SPAG9: variants seen among roughly 807,000 people sequenced by gnomAD.
The protein encoded by SPAG9 is C-Jun-amino-terminal kinase-interacting protein 4.
Under a neutral mutation model 166.5 loss-of-function variants are expected in SPAG9, and 35 were observed. The ratio of observed to expected loss-of-function variants is 0.21; its 90% CI spans 0.16 to 0.28. The LOEUF (loss-of-function observed/expected upper bound fraction) is 0.28, where lower values mean the gene tolerates loss of function less well. Ranked by LOEUF, SPAG9 falls within the 10% of genes least tolerant of loss-of-function variation. SPAG9 has a pLI of 1.00. For synonymous variants in SPAG9, 534 were observed against 565.5 expected (o/e 0.94, Z 0.79); for missense variants, 1,235 against 1,603.3 (o/e 0.77, Z 3.92).
In SPAG9 at chr17:50,998,611, G is replaced by A; in HGVS notation, c.1671C>T (p.Ser557=). Residue 557 remains serine, a synonymous_variant, in exon 15 of 30, where the codon AGC becomes AGT. Coordinates refer to ENST00000262013, the MANE Select transcript of SPAG9 (RefSeq NM_001130528.3). ...KKRSSIWQFF[S]RLFSSSSNTT... is the part of the protein sequence containing the mutation. ...TGTTACTTGAGGAGCTGAAAAGTCG[G>A]CTGAAACTAAAAGAAGACAGTATGT... 1.2e-6 allele frequency: 2 copies of A among 1,613,922 alleles called. No homozygotes were observed. Among genetic ancestry groups the A allele is most frequent in the Non-Finnish European group, 1.7e-6 (2 of 1,179,900 alleles).
intron 9 of SPAG9, among the ~76,000 whole-genome samples, chr17:51,010,966 G>C (rs1358570244): frequency 6.6e-6 from 1 of 152,118 alleles, no homozygotes; most frequent in Non-Finnish European, 1.5e-5. Context: ...CCTAGGACAG[G>C]AGCGCTGATA....
At chr17:51,020,604 T>C (rs1356779176) in intron 7 of SPAG9, among the ~76,000 whole-genome samples, 1 of 152,204 alleles carries the variant, frequency 6.6e-6, no homozygotes, top group South Asian at 2.1e-4. Flanking sequence ...TGTCCTCCCG[T>C]CTTTTGGGTT....
intron 2 of SPAG9, among the ~76,000 whole-genome samples, chr17:51,070,406 G>A (rs1450271832): frequency 6.6e-6 from 1 of 152,112 alleles, no homozygotes; most frequent in Non-Finnish European, 1.5e-5. Context: ...ATTAGAAATG[G>A]CCAAACTATT....
intron 26 of SPAG9, among the ~76,000 whole-genome samples, chr17:50,978,034 C>T (rs776140008): frequency 2.0e-5 from 3 of 152,170 alleles, no homozygotes; most frequent in Non-Finnish European, 4.4e-5. Context: ...GGTTCTAAAG[C>T]AGTTTAAACA....
In SPAG9 at chr17:51,077,033, T is replaced by TAGCTAGCTATCTAG. The variant is rs1568065402; in HGVS notation, c.424+2550_424+2551insCTAGATAGCTAGCT. ...AGCTAGCTAGCTATCTAGCTATCTA[T>TAGCTAGCTATCTAG]CTAGCTATCTAGCTATCTAGCTAGC... On this transcript the variant is annotated intron_variant, in intron 2 of 29. Coordinates refer to ENST00000262013, the MANE Select transcript of SPAG9 (RefSeq NM_001130528.3). 1.3e-3 allele frequency among the ~76,000 whole-genome samples: 127 copies of TAGCTAGCTATCTAG among 94,524 alleles called. 1 individual carries two copies. Among genetic ancestry groups the TAGCTAGCTATCTAG allele is most frequent in the Admixed American group, 2.7e-3 (28 of 10,240 alleles). The allele number at this position is 94,524 out of a possible 152,430, so 62.0% of individuals were successfully genotyped here.
chr17:51,011,660 G>C (rs2045490179), intron 9 of SPAG9, among the ~76,000 whole-genome samples: 1 of 152,096 alleles, frequency 6.6e-6, no homozygotes. Flanking sequence ...TGGGATTACA[G>C]GCATGAGCCA....
chr17:51,075,219 A>AAG (rs2047936195), intron 2 of SPAG9, among the ~76,000 whole-genome samples: 3 of 147,826 alleles, frequency 2.0e-5, no homozygotes, highest in East Asian at 3.9e-4. Context: ...AAAAAAAAAA[A>AAG]AAGAAGAAGA....
intron 3 of SPAG9, among the ~76,000 whole-genome samples, chr17:51,051,580 C>T (rs2047186549): frequency 1.3e-5 from 2 of 152,106 alleles, no homozygotes; most frequent in Admixed American, 6.5e-5. Context: ...AGTAGCCGAG[C>T]GTGGTGGCAT....
intron 19 of SPAG9, among the ~76,000 whole-genome samples, chr17:50,991,665 C>G (rs1023863122): frequency 7.3e-5 from 11 of 151,512 alleles, no homozygotes; most frequent in African/African-American, 2.7e-4. Context: ...CTCTTGTTGC[C>G]CAGGCTGGTG....
At chr17:51,046,777 AGCAGCAGCTTTCCACTCCATCCT>A (rs1185074166) in intron 4 of SPAG9, 1 of 1,534,742 alleles carries the variant, frequency 6.5e-7, no homozygotes, top group Non-Finnish European at 8.7e-7. Context: ...CAATGCCATC[AGCAGCAGCTTTCCACTCCATCCT>A]GCAGCAGCTC....
chr17:51,098,828 A>G (rs1230731522), intron 1 of SPAG9, among the ~76,000 whole-genome samples: 2 of 150,488 alleles, frequency 1.3e-5, no homozygotes, highest in Admixed American at 6.6e-5. Flanking sequence ...TGGGCCGGGC[A>G]CAGTGGCTCA....
chr17:51,101,184 A>G (rs978328975), intron 1 of SPAG9, among the ~76,000 whole-genome samples: 1 of 151,752 alleles, frequency 6.6e-6, no homozygotes, highest in African/African-American at 2.4e-5. Flanking sequence ...CGTCTCTACT[A>G]AAAATACAAA....
intron 28 of SPAG9, among the ~76,000 whole-genome samples, 196 bp downstream of exon 28, chr17:50,974,575 G>C (rs1446596948): frequency 6.6e-6 from 1 of 152,138 alleles, no homozygotes; most frequent in Non-Finnish European, 1.5e-5. Flanking sequence ...TTGGGGGTGG[G>C]AGAGATATTC....
Position 51,120,291 on chromosome 17 carries a change from C to CG in SPAG9, c.303+62dup, listed in dbSNP as rs1278647246. 2 of 1,073,992 alleles carry CG rather than the reference C, an allele frequency of 1.9e-6. No homozygotes were observed. The highest frequency in any genetic ancestry group is 3.2e-5 in the East Asian group (1 of 31,414). 66.5% of individuals were successfully genotyped at this position (1,073,992 alleles called of 1,614,324 possible). A position where few individuals can be genotyped will look rare whatever the true frequency, so the allele number is the denominator to read the frequency against. ...GCGCCTCTAGTCCCCGACCGGGCCG[C>CG]GACCCCGCCCCGGCCGCCCCCGGAG... is the stretch of plus-strand genomic sequence containing the variant. On this transcript the variant is annotated intron_variant, in intron 1 of 29. Transcript: ENST00000262013. The surrounding 1 kb of genome is among the most constrained non-coding windows in gnomAD (Gnocchi z 4.7).
chr17:50,982,508 T>C lies in SPAG9; in HGVS notation c.3237+16A>G, dbSNP rs766987331. 14 of 1,598,764 alleles carry C rather than the reference T, an allele frequency of 8.8e-6. No homozygotes were observed. Among genetic ancestry groups the C allele is most frequent in the South Asian group, 3.4e-5 (3 of 88,224 alleles). ...ACAAATTCAATAAATACAGAAAACA[T>C]AGGCTAATAACTTGCCTCTATTTTC... On this transcript the variant is annotated intron_variant, in intron 25 of 29. Transcript: ENST00000262013.
At chr17:50,999,477 G>A (rs1400825241) in intron 14 of SPAG9, 184 bp downstream of exon 14, 52 of 1,503,402 alleles carry the variant, frequency 3.5e-5, no homozygotes, top group Non-Finnish European at 4.0e-5. Flanking sequence ...GAGCCTTACC[G>A]AGTTGGCACA....
rs182931265 is a variant in SPAG9 at position 50,999,986 on chromosome 17, C to G, written c.1608-269G>C. Among the ~76,000 whole-genome samples the G allele has an allele frequency of 1.6e-4, 24 of 152,324 alleles. No homozygotes were observed. In the East Asian group the frequency reaches 4.4e-3, roughly 28 times the overall value. On this transcript the variant is annotated intron_variant, in intron 13 of 29. Transcript: ENST00000262013. ...ACTGTAATATGTGCTAGACAGCCAA[C>G]ATGCCTGAATGATATTTAAAATTTT...
At chr17:51,090,596 G>A (rs1441033721) in intron 1 of SPAG9, among the ~76,000 whole-genome samples, 1 of 152,190 alleles carries the variant, frequency 6.6e-6, no homozygotes, top group African/African-American at 2.4e-5. Flanking sequence ...AATGTAGTAA[G>A]TTACAAGAGA....
chr17:51,115,790 A>C (rs1290333866), intron 1 of SPAG9, among the ~76,000 whole-genome samples: 1 of 151,992 alleles, frequency 6.6e-6, no homozygotes, highest in Non-Finnish European at 1.5e-5. Context: ...AGATGGCACC[A>C]TTGCACTCTA....
Sources: allele counts gnomAD v4.1 joint callset (sites outside exome capture counted in the v4.1 genomes callset), GRCh38; gene constraint gnomAD v4.1.1; non-coding constraint Gnocchi (gnomAD v3.1); transcripts MANE v1.5; gene names NCBI Gene and HGNC (gene_info 2026-07-23, HGNC 2026-07-21).